Variants in NRXN1 observed in about 807,000 individuals in gnomAD.
NRXN1 encodes the protein neurexin 1.
In NRXN1, 39 loss-of-function variants were observed where a neutral mutation model predicts 150.9. That is an observed-to-expected ratio of 0.26 (90% confidence interval 0.20 to 0.34). The LOEUF is 0.34. Ranked by LOEUF, NRXN1 falls within the 10% of genes least tolerant of loss-of-function variation. The pLI is 1.00. For synonymous variants in NRXN1, 924 were observed against 757.0 expected (o/e 1.22, Z -3.62); for missense variants, 1,815 against 1,949.9 (o/e 0.93, Z 1.30).
intron 14 of NRXN1, among the ~76,000 whole-genome samples, chr2:50,496,441 C>T (rs146419965): frequency 5.9e-5 from 9 of 152,274 alleles, no homozygotes; most frequent in East Asian, 1.9e-4. Context: ...CCATTCTTCT[C>T]GTTCTTGCAC....
At chr2:50,194,842 G>C (rs1378657443) in intron 18 of NRXN1, among the ~76,000 whole-genome samples, 1 of 152,120 alleles carries the variant, frequency 6.6e-6, no homozygotes, top group African/African-American at 2.4e-5. Flanking sequence ...TGAGTGATCT[G>C]TCATTTTTCT....
chr2:50,168,955 A>T (rs1574289927), intron 18 of NRXN1, among the ~76,000 whole-genome samples: 1 of 152,360 alleles, frequency 6.6e-6, no homozygotes. Context: ...AGTTAAAAGT[A>T]GATGAAAATA....
chr2:50,622,935 G>A (rs1172259091), intron 6 of NRXN1, among the ~76,000 whole-genome samples: 3 of 152,110 alleles, frequency 2.0e-5, no homozygotes, highest in African/African-American at 7.2e-5. Context: ...TACAAAAAAG[G>A]AACTGTGACT....
At chr2:50,453,297 C>T (rs982711683) in intron 17 of NRXN1, among the ~76,000 whole-genome samples, 3 of 152,124 alleles carry the variant, frequency 2.0e-5, no homozygotes, top group African/African-American at 7.2e-5. Flanking sequence ...GGGGTGAGAT[C>T]TAAGAATATG....
chr2:50,476,395 A>G (rs998847045), intron 15 of NRXN1, among the ~76,000 whole-genome samples: 2 of 152,090 alleles, frequency 1.3e-5, no homozygotes, highest in Non-Finnish European at 2.9e-5. Flanking sequence ...TGGCTGTCTC[A>G]GTGTAGGCAA....
intron 21 of NRXN1, chr2:50,023,289 C>A (rs908556270): frequency 6.6e-6 from 1 of 152,168 alleles, no homozygotes; most frequent in Non-Finnish European, 1.5e-5. Context: ...ATCTGAAACT[C>A]CTTTAACCTC....
At chr2:50,909,756 G>A (rs1441837278) in intron 5 of NRXN1, among the ~76,000 whole-genome samples, 1 of 151,784 alleles carries the variant, frequency 6.6e-6, no homozygotes, top group East Asian at 1.9e-4. Context: ...TTTTTTCCAT[G>A]GTATATTCTC....
chr2:50,938,726 A>G (rs1462947042), intron 2 of NRXN1, among the ~76,000 whole-genome samples: 1 of 152,156 alleles, frequency 6.6e-6, no homozygotes, highest in Non-Finnish European at 1.5e-5. Flanking sequence ...TGCCTGACAC[A>G]TAGCAAAAAG....
At chr2:50,541,279 C>A (rs545187211) in intron 9 of NRXN1, among the ~76,000 whole-genome samples, 4 of 152,096 alleles carry the variant, frequency 2.6e-5, no homozygotes, top group African/African-American at 9.7e-5. Flanking sequence ...CTCAGGGTAT[C>A]GTAATTCTGA....
At chr2:50,867,153 A>G (rs1390277373) in intron 5 of NRXN1, among the ~76,000 whole-genome samples, 1 of 151,776 alleles carries the variant, frequency 6.6e-6, no homozygotes, top group Non-Finnish European at 1.5e-5. Context: ...TTTTCACTTG[A>G]TGCATAAAAC....
chr2:50,319,582 T>C (rs1483253745), intron 17 of NRXN1, among the ~76,000 whole-genome samples: 6 of 152,126 alleles, frequency 3.9e-5, no homozygotes, highest in Admixed American at 2.6e-4. Context: ...ATAGCACTAA[T>C]TTATAAAATT....
chr2:49,999,768 C>T (rs1369836427), intron 21 of NRXN1, among the ~76,000 whole-genome samples: 1 of 152,156 alleles, frequency 6.6e-6, no homozygotes. Context: ...ACAATCTAAA[C>T]ATATATCATC....
At chr2:50,624,155 A>G (rs1432974660) in intron 5 of NRXN1, among the ~76,000 whole-genome samples, 1 of 152,174 alleles carries the variant, frequency 6.6e-6, no homozygotes, top group Non-Finnish European at 1.5e-5. Flanking sequence ...AATGTCCAAC[A>G]ATGATAGACT....
intron 6 of NRXN1, among the ~76,000 whole-genome samples, chr2:50,622,789 C>T (rs949879878): frequency 2.6e-5 from 4 of 152,118 alleles, no homozygotes; most frequent in Non-Finnish European, 4.4e-5. Context: ...TCTTCAAAAA[C>T]AGACCCTTCA....
intron 5 of NRXN1, among the ~76,000 whole-genome samples, chr2:50,714,491 T>C (rs1049299391): frequency 3.3e-5 from 5 of 152,086 alleles, no homozygotes; most frequent in African/African-American, 9.7e-5. Context: ...AACTGAAAGA[T>C]AGTTTCTTCC....
At chr2:50,591,938 C>T (rs1674334976) in intron 8 of NRXN1, among the ~76,000 whole-genome samples, 1 of 150,678 alleles carries the variant, frequency 6.6e-6, no homozygotes, top group African/African-American at 2.4e-5. Context: ...CAAACAGTTA[C>T]TGTGTTGGAT....
intron 5 of NRXN1, among the ~76,000 whole-genome samples, chr2:50,887,829 T>C (rs1306643910): frequency 6.6e-6 from 1 of 151,540 alleles, no homozygotes; most frequent in Non-Finnish European, 1.5e-5. Context: ...TTAGTAATCA[T>C]GCTTTTTACT....
intron 5 of NRXN1, among the ~76,000 whole-genome samples, chr2:50,744,249 T>C (rs912709200): frequency 1.3e-5 from 2 of 152,076 alleles, no homozygotes; most frequent in African/African-American, 4.8e-5. Context: ...ACAATAATAT[T>C]TTAATAATGA....
chr2:50,016,502 C>T lies in NRXN1; in HGVS notation c.4128+36769G>A, dbSNP rs376920329. The T allele has an allele frequency of 5.3e-5, 8 of 152,272 alleles. No homozygotes were observed. In the East Asian group the frequency reaches 9.7e-4, roughly 18 times the overall value. The allele number at this position is 152,272 out of a possible 1,614,324, so 9.4% of individuals were successfully genotyped here. A position where few individuals can be genotyped will look rare whatever the true frequency, so the allele number is the denominator to read the frequency against. On this transcript the variant is annotated intron_variant, in intron 21 of 22. Transcript: ENST00000401669. ...AAAGAGGTTTAATTTACTCACAGTT[C>T]CGCAGGGCTACGGAGGCCTCAGGAA...
Sources: gnomAD v4.1 joint callset for allele counts (sites outside exome capture counted in the v4.1 genomes callset) on GRCh38, gnomAD v4.1.1 for gene constraint, MANE v1.5 for transcripts, NCBI Gene and HGNC (gene_info 2026-07-23, HGNC 2026-07-21) for gene names.